The following MAP3K13 variants were observed in gnomAD, a reference collection of about 807,000 sequenced individuals.
MAP3K13 encodes mitogen-activated protein kinase kinase kinase 13, also known as leucine zipper-bearing kinase.
MAP3K13 carries 52 observed loss-of-function variants against 104.0 expected under a neutral mutation model. The observed-to-expected ratio is 0.50, with a 90% CI of 0.40 to 0.63. The LOEUF is 0.63. MAP3K13 is among the 20% of genes least tolerant of loss of function. The probability of loss-of-function intolerance (pLI) is 0.00; values close to 1 mark genes in which losing one functional copy is unlikely to be tolerated. For missense variants in MAP3K13, 914 were observed against 1,218.5 expected, an observed-to-expected ratio of 0.75 and a Z score of 3.72; for synonymous variants, 394 against 442.2, an observed-to-expected ratio of 0.89 and a Z score of 1.37.
At chr3:185,479,829 C>A (rs573886477) in intron 12 of MAP3K13, among the ~76,000 whole-genome samples, 2 of 152,296 alleles carry the variant, frequency 1.3e-5, no homozygotes, top group South Asian at 4.1e-4. Context: ...AGACAGCCAC[C>A]TTCTCTGTTT....
intron 2 of MAP3K13, among the ~76,000 whole-genome samples, chr3:185,433,783 T>G (rs770233727): frequency 1.3e-5 from 2 of 152,208 alleles, no homozygotes; most frequent in Non-Finnish European, 2.9e-5. Flanking sequence ...TATTTTTTAT[T>G]GCAATACTCG....
chr3:185,355,117 G>A (rs1723296753), intron 2 of MAP3K13, among the ~76,000 whole-genome samples: 1 of 152,078 alleles, frequency 6.6e-6, no homozygotes, highest in African/African-American at 2.4e-5. Context: ...GACCAGATTT[G>A]CTCCCAATTA....
At chr3:185,390,382 G>T (rs1711971043) in intron 1 of MAP3K13, among the ~76,000 whole-genome samples, 1 of 152,120 alleles carries the variant, frequency 6.6e-6, no homozygotes, top group South Asian at 2.1e-4. Flanking sequence ...AGACTGTCTG[G>T]CTTCAGGGTC....
At chr3:185,380,308 A>C (rs1023450111) in intron 1 of MAP3K13, among the ~76,000 whole-genome samples, 1 of 150,596 alleles carries the variant, frequency 6.6e-6, no homozygotes, top group South Asian at 2.1e-4. Context: ...GTTAAGAGAT[A>C]GAGACCATCC....
intron 7 of MAP3K13, among the ~76,000 whole-genome samples, chr3:185,455,728 A>G (rs1577590354): frequency 4.5e-5 from 1 of 22,422 alleles, no homozygotes; most frequent in Admixed American, 6.5e-4. Context: ...TATATATGAT[A>G]TATATATGAG....
intron 7 of MAP3K13, among the ~76,000 whole-genome samples, chr3:185,462,442 A>G (rs190318942): frequency 1.1e-4 from 16 of 152,164 alleles, no homozygotes; most frequent in Middle Eastern, 3.4e-3. Flanking sequence ...TCTTTGTCCT[A>G]TATTGACCAA....
chr3:185,409,735 G>A (rs552194992), intron 1 of MAP3K13, among the ~76,000 whole-genome samples: 1 of 152,246 alleles, frequency 6.6e-6, no homozygotes, highest in Non-Finnish European at 1.5e-5. Flanking sequence ...ATCAACCCAT[G>A]TCCGACAATA....
rs1717897061 is a variant in MAP3K13 at position 185,473,071 on chromosome 3, C to G, written c.1740C>G (p.Ser580Arg). The G allele has an allele frequency of 6.2e-7, 1 of 1,614,168 alleles. No homozygotes were observed. Among genetic ancestry groups the G allele is most frequent in the Admixed American group, 1.7e-5 (1 of 60,020 alleles). Residue 580 changes from serine (S) to arginine (R), a missense_variant, in exon 11 of 14, where the codon AGC becomes AGG. Ser to Arg is a moderately radical substitution (Grantham distance 110). Around this residue, in one of 3 missense-constraint regions of MAP3K13, gnomAD observed 583 missense variants for 737.4 expected, o/e 0.79. Transcript: ENST00000265026. The surrounding 1 kb of genome is among the most constrained non-coding windows in gnomAD (Gnocchi z 4.9). ...SGSPKMSTSS[S>R]KSRYRSKPRH... ...GTCCCAAAATGTCCACTTCTAGCAG[C>G]AAGAGCCGATATCGAAGCAAACCAC...
At chr3:185,460,712 C>T in intron 7 of MAP3K13, among the ~76,000 whole-genome samples, 1 of 152,244 alleles carries the variant, frequency 6.6e-6, no homozygotes, top group Non-Finnish European at 1.5e-5. Context: ...ACACATTATT[C>T]ATCAGTACCT....
chr3:185,430,003 C>T (rs890699904), intron 2 of MAP3K13, among the ~76,000 whole-genome samples: 8 of 152,112 alleles, frequency 5.3e-5, no homozygotes, highest in African/African-American at 1.2e-4. Context: ...AGTTCAAGAC[C>T]AGCCTGGCCA....
intron 7 of MAP3K13, among the ~76,000 whole-genome samples, chr3:185,459,037 C>A (rs1401435077): frequency 9.9e-5 from 15 of 152,144 alleles, no homozygotes; most frequent in Non-Finnish European, 1.9e-4. Flanking sequence ...CCAGGTGGAT[C>A]GTGTGCCTGG....
chr3:185,430,221 C>G (rs1714666562), intron 2 of MAP3K13, among the ~76,000 whole-genome samples: 1 of 152,080 alleles, frequency 6.6e-6, no homozygotes, highest in Admixed American at 6.6e-5. Flanking sequence ...AAGTTTTTAA[C>G]TCCCATCATT....
upstream of MAP3K13, among the ~76,000 whole-genome samples, chr3:185,360,418 A>G (rs1369020498): frequency 2.0e-5 from 3 of 152,150 alleles, no homozygotes; most frequent in Admixed American, 2.0e-4. Flanking sequence ...TCATGCCTCT[A>G]TATCCCTTCC....
chr3:185,424,070 G>A (rs772610221), intron 1 of MAP3K13, among the ~76,000 whole-genome samples: 1 of 152,150 alleles, frequency 6.6e-6, no homozygotes, highest in Non-Finnish European at 1.5e-5. Context: ...TATTAGTTCC[G>A]TAAGTAGTCT....
intron 2 of MAP3K13, among the ~76,000 whole-genome samples, chr3:185,320,924 T>C (rs1721832857): frequency 6.6e-6 from 1 of 152,188 alleles, no homozygotes; most frequent in South Asian, 2.1e-4. Context: ...TAAATTAGGA[T>C]TGGAAGCATA....
chr3:185,288,262 G>A lies in MAP3K13; in HGVS notation c.-86+2619G>A, dbSNP rs147825642. Among the ~76,000 whole-genome samples the A allele has an allele frequency of 2.3e-3, 353 of 152,168 alleles. 4 individuals are homozygous for A. The Middle Eastern group carries it at 0.027, about 12-fold the overall frequency. ...GGAAAGAAAGGAGATGAACCTGAATGTAAAAGTTACATGTAGAAAACACAG... is the reference window on the plus strand; with the variant it reads ...GGAAAGAAAGGAGATGAACCTGAATATAAAAGTTACATGTAGAAAACACAG... On this transcript the variant is annotated intron_variant, in intron 2 of 14. Coordinates refer to the MAP3K13 transcript ENST00000424227.
chr3:185,401,616 A>C (rs1712821753), intron 1 of MAP3K13, among the ~76,000 whole-genome samples: 1 of 152,232 alleles, frequency 6.6e-6, no homozygotes, highest in African/African-American at 2.4e-5. Flanking sequence ...TTAACTATTA[A>C]ATTGCTTCCC....
chr3:185,383,261 A>G (rs1037679652), intron 1 of MAP3K13, among the ~76,000 whole-genome samples: 5 of 151,598 alleles, frequency 3.3e-5, no homozygotes, highest in African/African-American at 1.2e-4. Flanking sequence ...CCAGTCTATC[A>G]TTGTTGGACA....
chr3:185,360,789 TTA>T (rs1345998173), upstream of MAP3K13, among the ~76,000 whole-genome samples: 1 of 148,700 alleles, frequency 6.7e-6, no homozygotes, highest in East Asian at 2.0e-4. Context: ...CTGTCAAAAC[TTA>T]CAGAAAAACT....
Sources: allele counts gnomAD v4.1 joint callset (sites outside exome capture counted in the v4.1 genomes callset), GRCh38; gene constraint gnomAD v4.1.1; regional missense constraint gnomAD v4.1.1; non-coding constraint Gnocchi (gnomAD v3.1); transcripts MANE v1.5; gene names NCBI Gene and HGNC (gene_info 2026-07-23, HGNC 2026-07-21).